ACSL4: variants seen among roughly 807,000 people sequenced by gnomAD.
ACSL4 encodes the protein acyl-CoA synthetase long chain family member 4.
In ACSL4, 9 loss-of-function variants were observed where a neutral mutation model predicts 49.1. The ratio of observed to expected loss-of-function variants is 0.18; its 90% CI spans 0.11 to 0.32. The LOEUF (loss-of-function observed/expected upper bound fraction) is 0.32. Among genes scored for constraint, ACSL4 ranks in the 10% least tolerant of loss-of-function variants. ACSL4 has a pLI of 1.00. For missense variants in ACSL4, 333 were observed against 493.7 expected (o/e 0.67, Z 3.08); for synonymous variants, 191 against 170.3 (o/e 1.12, Z -0.95).
intron 15 of ACSL4, among the ~76,000 whole-genome samples, chrX:109,651,224 A>G (rs1238316357): frequency 3.6e-5 from 4 of 112,096 alleles, no homozygotes; most frequent in Non-Finnish European, 5.6e-5. Flanking sequence ...AATCAACATA[A>G]AATGTTATTT....
intron 2 of ACSL4, among the ~76,000 whole-genome samples, chrX:109,687,876 C>T (rs1924736098): frequency 8.9e-6 from 1 of 111,808 alleles, no homozygotes; most frequent in African/African-American, 3.3e-5. Flanking sequence ...GGTTGTCTCA[C>T]TTGGTTGTAC....
chrX:109,698,008 T>A (rs1925589670), intron 1 of ACSL4, among the ~76,000 whole-genome samples: 1 of 111,279 alleles, frequency 9.0e-6, no homozygotes, highest in Admixed American at 9.6e-5. Context: ...CAAAGGATAG[T>A]CAACTCTTGA....
intron 8 of ACSL4, among the ~76,000 whole-genome samples, chrX:109,676,101 G>A (rs1319914817): frequency 3.6e-5 from 4 of 111,304 alleles, no homozygotes; most frequent in African/African-American, 1.3e-4. Context: ...GTAATGACCA[G>A]GAGGGGACCC....
chrX:109,642,493 A>C lies in ACSL4; in HGVS notation c.*1536T>G, dbSNP rs1164053565. 4.5e-5 allele frequency: 5 copies of C among 111,318 alleles called. No individual in the cohort carries two copies. The highest frequency in any genetic ancestry group is 9.4e-5 in the Non-Finnish European group (5 of 52,970). 9.2% of individuals were successfully genotyped at this position (111,318 alleles called of 1,213,427 possible). A position where few individuals can be genotyped will look rare whatever the true frequency, so the allele number is the denominator to read the frequency against. ...TATTACCACCATATACATAACATTTAAGTATTTTCTTCATAAATATTTTAG... is the reference window on the plus strand; with the variant it reads ...TATTACCACCATATACATAACATTTCAGTATTTTCTTCATAAATATTTTAG... On this transcript the variant is annotated 3_prime_UTR_variant, in exon 16 of 16. Transcript: ENST00000672401.
At chrX:109,662,891 T>C (rs1379846445) in intron 13 of ACSL4, among the ~76,000 whole-genome samples, 1 of 111,767 alleles carries the variant, frequency 8.9e-6, no homozygotes, top group East Asian at 2.8e-4. Flanking sequence ...TTTTGTTTTC[T>C]CATTACCTGT....
At chrX:109,693,262 TAAAAA>T (rs1047600812) in intron 2 of ACSL4, among the ~76,000 whole-genome samples, 1 of 103,788 alleles carries the variant, frequency 9.6e-6, no homozygotes, top group Non-Finnish European at 2.0e-5. Flanking sequence ...TATCGTGATT[TAAAAA>T]AAAAAAAACT....
intron 15 of ACSL4, among the ~76,000 whole-genome samples, chrX:109,655,771 GGA>G (rs1921589506): frequency 1.8e-5 from 2 of 111,131 alleles, no homozygotes; most frequent in Non-Finnish European, 3.8e-5. Context: ...CTGAAAGCTA[GGA>G]GAGATAAAAT....
chrX:109,670,383 G>A (rs1291268510), intron 9 of ACSL4, among the ~76,000 whole-genome samples: 3 of 109,626 alleles, frequency 2.7e-5, no homozygotes, highest in South Asian at 4.0e-4. Flanking sequence ...TCAGGAGTTC[G>A]AGATCAGCCT....
chrX:109,716,270 T>C, intron 1 of ACSL4, among the ~76,000 whole-genome samples: 1 of 111,988 alleles, frequency 8.9e-6, no homozygotes, highest in East Asian at 2.8e-4. Context: ...CCTATAATAA[T>C]TGCCCAACCT....
At position 109,641,931 on chromosome X, in the gene ACSL4, A is replaced by G. The variant is rs1339369647; in HGVS notation, c.*2098T>C. On this transcript the variant is annotated 3_prime_UTR_variant, in exon 16 of 16. Coordinates refer to ENST00000672401, the MANE Select transcript of ACSL4 (RefSeq NM_001318510.2). ...AAATCTTTAGGCTTAAATACTTGAAAAGTCACTATGGATATGGAAAGATTT... is the reference window on the plus strand; with the variant it reads ...AAATCTTTAGGCTTAAATACTTGAAGAGTCACTATGGATATGGAAAGATTT... 1 of 112,567 alleles carries G rather than the reference A, an allele frequency of 8.9e-6. No individual in the cohort carries two copies. The highest frequency in any genetic ancestry group is 1.9e-5 in the Non-Finnish European group (1 of 53,192). 9.3% of individuals were successfully genotyped at this position (112,567 alleles called of 1,213,427 possible). A position where few individuals can be genotyped will look rare whatever the true frequency, so the allele number is the denominator to read the frequency against.
chrX:109,682,702 A>C lies in ACSL4; in HGVS notation c.406+17T>G. On this transcript the variant is annotated intron_variant, in intron 4 of 15. Coordinates refer to ENST00000672401, the MANE Select transcript of ACSL4 (RefSeq NM_001318510.2). Reference sequence around the variant, plus strand: ...AAAGACCCTCCTCTCCCCCCTCCAAAAACACAAGGCACTTACGAGGAAAGT... The same window carrying C: ...AAAGACCCTCCTCTCCCCCCTCCAACAACACAAGGCACTTACGAGGAAAGT... The C allele has an allele frequency of 8.3e-7, 1 of 1,210,890 alleles. No individual in the cohort carries two copies.
intron 1 of ACSL4, among the ~76,000 whole-genome samples, chrX:109,712,553 A>G: frequency 8.9e-6 from 1 of 112,542 alleles, no homozygotes; most frequent in Non-Finnish European, 1.9e-5. Flanking sequence ...TAAGGGTATC[A>G]CAGCAAAATT....
At chrX:109,705,788 C>G (rs35218038) in intron 1 of ACSL4, among the ~76,000 whole-genome samples, 1 of 112,567 alleles carries the variant, frequency 8.9e-6, no homozygotes, top group Non-Finnish European at 1.9e-5. Context: ...ACCTCCACCT[C>G]CCGGGTTCAA....
rs1556225792 is a variant in ACSL4, at chrX:109,663,232, C to T, written c.1561G>A (p.Asp521Asn). 3 of 1,207,227 alleles carry T rather than the reference C, an allele frequency of 2.5e-6. No individual in the cohort carries two copies. Among genetic ancestry groups the T allele is most frequent in the Non-Finnish European group, 2.2e-6 (2 of 892,923 alleles). The part of the protein sequence containing the change: ...CTGDIGEFHP[D>N]GCLQIIDRKK... Reference sequence around the variant, plus strand: ...TGACCTATAATCTGTAAACATCCATCGGGATGGAATTCTCCAATATCACCA... The same window carrying T: ...TGACCTATAATCTGTAAACATCCATTGGGATGGAATTCTCCAATATCACCA... The change falls in exon 13 of 16, where the codon GAT (aspartate) becomes AAT (asparagine). Residue 521 changes from aspartate (D) to asparagine (N), a missense_variant. Asp to Asn is a conservative substitution (Grantham distance 23). Transcript: ENST00000672401.
At chrX:109,718,394 A>G (rs753388743) in intron 1 of ACSL4, among the ~76,000 whole-genome samples, 1 of 112,363 alleles carries the variant, frequency 8.9e-6, no homozygotes, top group Non-Finnish European at 1.9e-5. Flanking sequence ...AATTTTGCAG[A>G]TTTTCACTGG....
chrX:109,650,701 A>C (rs771235876), intron 15 of ACSL4, among the ~76,000 whole-genome samples: 10 of 111,912 alleles, frequency 8.9e-5, no homozygotes, highest in African/African-American at 3.2e-4. Flanking sequence ...AATACACAAA[A>C]GAGAAGTCCC....
intron 1 of ACSL4, among the ~76,000 whole-genome samples, chrX:109,709,650 G>A (rs756685906): frequency 7.1e-5 from 8 of 112,694 alleles, no homozygotes; most frequent in African/African-American, 2.3e-4. Context: ...CAGCTGCTAC[G>A]CATACAATTC....
intron 15 of ACSL4, among the ~76,000 whole-genome samples, chrX:109,648,960 A>G (rs1234437888): frequency 4.0e-5 from 4 of 100,323 alleles, no homozygotes; most frequent in Non-Finnish European, 6.1e-5. Context: ...TAGGAATCCA[A>G]CTTACAAGGG....
In ACSL4 at chrX:109,642,421, T is replaced by A. The variant is rs1203460790; in HGVS notation, c.*1608A>T. 9.0e-6 allele frequency: 1 copy of A among 111,537 alleles called. No homozygotes were observed. Among genetic ancestry groups the A allele is most frequent in the African/African-American group, 3.3e-5 (1 of 30,645 alleles). The allele number at this position is 111,537 out of a possible 1,213,427, so 9.2% of individuals were successfully genotyped here. A position where few individuals can be genotyped will look rare whatever the true frequency, so the allele number is the denominator to read the frequency against. ...TACCTTGCAAAACGCTGAACAGAAA[T>A]CTTTACAAAAACCTTCATTCTTGTT... On this transcript the variant is annotated 3_prime_UTR_variant, in exon 16 of 16. Coordinates refer to ENST00000672401, the MANE Select transcript of ACSL4 (RefSeq NM_001318510.2).
Sources: gnomAD v4.1 joint callset for allele counts (sites outside exome capture counted in the v4.1 genomes callset) on GRCh38, gnomAD v4.1.1 for gene constraint, MANE v1.5 for transcripts, NCBI Gene and HGNC (gene_info 2026-07-23, HGNC 2026-07-21) for gene names.